The following CIITA variants were observed in gnomAD, a reference collection of about 807,000 sequenced individuals.
CIITA encodes the protein MHC class II transactivator.
In CIITA, 72 loss-of-function variants were observed where a neutral mutation model predicts 115.1. The ratio of observed to expected loss-of-function variants is 0.63; its 90% CI spans 0.52 to 0.76. The LOEUF is 0.76. Among genes scored for constraint, CIITA ranks in the 30% least tolerant of loss-of-function variants. The pLI is 0.00. For synonymous variants in CIITA, 763 were observed against 635.6 expected, an observed-to-expected ratio of 1.20 and a Z score of -3.02; for missense variants, 1,617 against 1,463.8, an observed-to-expected ratio of 1.10 and a Z score of -1.71.
rs1567455919 is a variant in CIITA, at chr16:10,926,020, G to A, written c.*2165G>A. On this transcript the variant is annotated 3_prime_UTR_variant, in exon 20 of 20. Transcript: ENST00000324288. ...CCGGCACGACTGTTGCTTTTCACTC[G>A]GGCATAGTCTGCTCAGAAGCCCCAA... 6.6e-6 allele frequency: 1 copy of A among 152,138 alleles called. No homozygotes were observed. The highest frequency in any genetic ancestry group is 6.5e-5 in the Admixed American group (1 of 15,272). The allele number at this position is 152,138 out of a possible 1,614,324, so 9.4% of individuals were successfully genotyped here. A position where few individuals can be genotyped will look rare whatever the true frequency, so the allele number is the denominator to read the frequency against.
intron 1 of CIITA, among the ~76,000 whole-genome samples, chr16:10,878,456 A>G (rs1036741736): frequency 4.6e-5 from 7 of 152,320 alleles, no homozygotes; most frequent in Non-Finnish European, 8.8e-5. Context: ...GGCTCTTGCC[A>G]CGGCTGGGGG....
At chr16:10,912,320 G>A (rs1037367400) in intron 13 of CIITA, among the ~76,000 whole-genome samples, 1 of 151,920 alleles carries the variant, frequency 6.6e-6, no homozygotes, top group Non-Finnish European at 1.5e-5. Flanking sequence ...AACCATGTTG[G>A]CCAGGCTGGT....
intron 1 of CIITA, among the ~76,000 whole-genome samples, chr16:10,880,325 C>T (rs948982041): frequency 6.6e-6 from 1 of 152,282 alleles, no homozygotes; most frequent in East Asian, 1.9e-4. Context: ...TGAGATCCTG[C>T]AGGTTAAACC....
In CIITA at chr16:10,901,705, C is replaced by T. The variant is rs2038774155; in HGVS notation, c.481+147C>T. ...TGGGTAGAGGCTGAGAGCTTGGGGT[C>T]CCTTAGAGTCCTCTAAGGGGCTCAC... On this transcript the variant is annotated intron_variant, in intron 6 of 19. Coordinates refer to ENST00000324288, the MANE Select transcript of CIITA (RefSeq NM_000246.4). The surrounding 1 kb of genome is among the most constrained non-coding windows in gnomAD (Gnocchi z 6.8). 2 of 850,874 alleles carry T rather than the reference C, an allele frequency of 2.4e-6. No homozygotes were observed. Among genetic ancestry groups the T allele is most frequent in the African/African-American group, 3.4e-5 (2 of 59,516 alleles). 52.7% of individuals were successfully genotyped at this position (850,874 alleles called of 1,614,324 possible).
Position 10,935,322 on chromosome 16 carries a change from T to C in CIITA, c.*11467T>C, listed in dbSNP as rs1419690711. On this transcript the variant is annotated 3_prime_UTR_variant, in exon 20 of 20. Coordinates refer to ENST00000324288, the MANE Select transcript of CIITA (RefSeq NM_000246.4). ...CCTTATGATTATTTAGAGGAGAAAG[T>C]TCAGTTTGGTGCTGGTATATCTTAT... 1 of 152,238 alleles carries C rather than the reference T, an allele frequency of 6.6e-6. No homozygotes were observed. Among genetic ancestry groups the C allele is most frequent in the African/African-American group, 2.4e-5 (1 of 41,470 alleles). The allele number at this position is 152,238 out of a possible 1,614,324, so 9.4% of individuals were successfully genotyped here.
Position 10,879,343 on chromosome 16 carries a change from C to G in CIITA, c.52+1961C>G, listed in dbSNP as rs2036173892. Among the ~76,000 whole-genome samples, 1 of 152,110 alleles carries G rather than the reference C, an allele frequency of 6.6e-6. No homozygotes were observed. The highest frequency in any genetic ancestry group is 2.4e-5 in the African/African-American group (1 of 41,410). ...GAAGCCGGAGCGCAGACTGGGAGCG[C>G]GGAGCAGACACACTCCCCCGGCCAC... On this transcript the variant is annotated intron_variant, in intron 1 of 19. Coordinates refer to ENST00000324288, the MANE Select transcript of CIITA (RefSeq NM_000246.4). The surrounding 1 kb of genome is among the most constrained non-coding windows in gnomAD (Gnocchi z 4.3).
intron 1 of CIITA, among the ~76,000 whole-genome samples, chr16:10,883,625 G>A (rs1234475799): frequency 1.4e-4 from 22 of 152,122 alleles, no homozygotes; most frequent in Non-Finnish European, 1.0e-4. Flanking sequence ...TCTTTTGTGG[G>A]GTCCTGTAGG....
At chr16:10,899,751 C>A (rs980861145) in intron 5 of CIITA, among the ~76,000 whole-genome samples, 1 of 152,170 alleles carries the variant, frequency 6.6e-6, no homozygotes, top group Admixed American at 6.5e-5. Context: ...ACAGGTGAAT[C>A]GCACACAGGG....
rs969921250 is a variant in CIITA, at chr16:10,908,141, C to T, written c.2649C>T (p.Thr883=). ...GCCTCGTGGGACTCAGCTGTGTCACCCGTTTCAGGTGGGGTGAGGGGCTTG... is the reference window on the plus strand; with the variant it reads ...GCCTCGTGGGACTCAGCTGTGTCACTCGTTTCAGGTGGGGTGAGGGGCTTG... ...LGSLVGLSCV[T]RFRAALSDTV... The change falls in exon 11 of 20, where the codon ACC becomes ACT. Residue 883 remains threonine (T), a synonymous_variant. Coordinates refer to ENST00000324288, the MANE Select transcript of CIITA (RefSeq NM_000246.4). 15 of 1,565,484 alleles carry T rather than the reference C, an allele frequency of 9.6e-6. No individual in the cohort carries two copies. The highest frequency in any genetic ancestry group is 1.2e-5 in the Non-Finnish European group (14 of 1,154,872).
At position 10,907,628 on chromosome 16, in the gene CIITA, C is replaced by T; in HGVS notation, c.2136C>T (p.Leu712=). The change falls in exon 11 of 20, where the codon CTC becomes CTT. Residue 712 remains leucine (L), a synonymous_variant. Transcript: ENST00000324288. The surrounding 1 kb of genome is among the most constrained non-coding windows in gnomAD (Gnocchi z 5.0). ...CCGAGCTGGCCTTCCCCAGCTTCCT[C>T]CTGCAATGCTTCCTGGGGGCCCTGT... The part of the protein sequence containing the change: ...AESELAFPSF[L]LQCFLGALWL... 6.2e-7 allele frequency: 1 copy of T among 1,614,252 alleles called. No individual in the cohort carries two copies. The highest frequency in any genetic ancestry group is 8.5e-7 in the Non-Finnish European group (1 of 1,180,038).
Position 10,918,538 on chromosome 16 carries a change from C to CCCGGATA in CIITA, c.3149+17_3149+23dup. ...CTGCTCAGGCTAAGGTGAGTGGGGC[C>CCCGGATA]CCGGATACCGGTCAGGTGCTGAGCT... On this transcript the variant is annotated intron_variant, in intron 16 of 19. Transcript: ENST00000324288. 1.2e-6 allele frequency: 2 copies of CCCGGATA among 1,613,344 alleles called. No individual in the cohort carries two copies. The highest frequency in any genetic ancestry group is 1.1e-5 in the South Asian group (1 of 91,052).
At chr16:10,873,882 G>A (rs1301890766), upstream of CIITA, among the ~76,000 whole-genome samples, 1 of 152,152 alleles carries the variant, frequency 6.6e-6, no homozygotes, top group African/African-American at 2.4e-5. Context: ...TCTCAGGAGA[G>A]AACTGACTTT....
intron 14 of CIITA, 49 bp from the exon 15 acceptor site, chr16:10,916,318 G>A: frequency 6.3e-7 from 1 of 1,583,210 alleles, no homozygotes; most frequent in Non-Finnish European, 8.7e-7. Flanking sequence ...GGAAGGGTCA[G>A]ATGGCCCCAG....
intron 16 of CIITA, among the ~76,000 whole-genome samples, chr16:10,921,096 G>A (rs999300731): frequency 6.6e-6 from 1 of 152,114 alleles, no homozygotes; most frequent in South Asian, 2.1e-4. Context: ...TCAAACTCCC[G>A]ACCTTAGGTG....
chr16:10,911,216 C>CTTTCTTTT (rs1456496897), intron 13 of CIITA, among the ~76,000 whole-genome samples: 6 of 142,546 alleles, frequency 4.2e-5, no homozygotes, highest in African/African-American at 1.5e-4. Flanking sequence ...CCTTTCTTCT[C>CTTTCTTTT]TCTTTCTTTT....
rs772613832 is a variant in CIITA, at chr16:10,902,188, TG to T, written c.628+5del. 1 of 1,613,942 alleles carries T rather than the reference TG, an allele frequency of 6.2e-7. No individual in the cohort carries two copies. Among genetic ancestry groups the T allele is most frequent in the South Asian group, 1.1e-5 (1 of 91,070 alleles). Reference sequence around the variant, plus strand: ...GAGAAAACCGACCAGATTCCCAGTATGTTAGGGGGCTTGGAGAGAGTGGGCT... The same window carrying T: ...GAGAAAACCGACCAGATTCCCAGTATTTAGGGGGCTTGGAGAGAGTGGGCT... On this transcript the variant is annotated splice_donor_5th_base_variant and intron_variant, in intron 7 of 19. Coordinates refer to ENST00000324288, the MANE Select transcript of CIITA (RefSeq NM_000246.4).
Position 10,909,136 on chromosome 16 carries a change from C to T in CIITA, c.2765C>T (p.Ala922Val), listed in dbSNP as rs537794932. The change falls in exon 12 of 20, where the codon GCC (alanine) becomes GTC (valine). Residue 922 changes from alanine to valine, a missense_variant. Transcript: ENST00000324288. ...AAGTTCACCATCGAGCCTTTCAAAG[C>T]CAAGTCCCTGAAGGATGTGGAAGAC... Reference protein sequence around the residue: ...EEKFTIEPFKAKSLKDVEDLG... With the variant: ...EEKFTIEPFKVKSLKDVEDLG... 2 of 1,614,192 alleles carry T rather than the reference C, an allele frequency of 1.2e-6. No individual in the cohort carries two copies. The highest frequency in any genetic ancestry group is 4.5e-5 in the East Asian group (2 of 44,880).
chr16:10,895,441 C>A lies in CIITA; in HGVS notation c.199+13C>A, dbSNP rs1178380684. 1.9e-6 allele frequency: 3 copies of A among 1,612,970 alleles called. No homozygotes were observed. The highest frequency in any genetic ancestry group is 2.2e-5 in the South Asian group (2 of 91,046). On this transcript the variant is annotated intron_variant, in intron 2 of 19. Coordinates refer to ENST00000324288, the MANE Select transcript of CIITA (RefSeq NM_000246.4). ...GAGCTCTACTCAGGTGGGCCCTCCTCCCTCTGGTCTCTTCCGGTATCCCCC... is the reference window on the plus strand; with the variant it reads ...GAGCTCTACTCAGGTGGGCCCTCCTACCTCTGGTCTCTTCCGGTATCCCCC...
rs558934458 is a variant in CIITA at position 10,895,607 on chromosome 16, C to T, written c.200-62C>T. ...TCCCAGCCCTGCCCCGCCTCTCCCT[C>T]GTTCCCCACCAGCCCTCTTTCCAGA... On this transcript the variant is annotated intron_variant, in intron 2 of 19. Coordinates refer to ENST00000324288, the MANE Select transcript of CIITA (RefSeq NM_000246.4). 97 of 1,601,260 alleles carry T rather than the reference C, an allele frequency of 6.1e-5. 1 individual carries two copies. The South Asian group carries it at 1.0e-3, about 17-fold the overall frequency.
Sources: gnomAD v4.1 joint callset for allele counts (sites outside exome capture counted in the v4.1 genomes callset) on GRCh38, gnomAD v4.1.1 for gene constraint, Gnocchi (gnomAD v3.1) non-coding constraint, MANE v1.5 for transcripts, NCBI Gene and HGNC (gene_info 2026-07-23, HGNC 2026-07-21) for gene names.